Variants in AGBL4 observed in about 807,000 individuals in gnomAD.
AGBL4 encodes the protein AGBL carboxypeptidase 4.
Under a neutral mutation model 66.4 loss-of-function variants are expected in AGBL4, and 58 were observed. The ratio of observed to expected loss-of-function variants is 0.87; its 90% CI spans 0.71 to 1.09. The LOEUF is 1.09. AGBL4 is among the 50% of genes least tolerant of loss of function. AGBL4 has a pLI of 0.00. For missense variants in AGBL4, 579 were observed against 631.0 expected (o/e 0.92, Z 0.88); for synonymous variants, 234 against 222.9 (o/e 1.05, Z -0.44).
intron 1 of AGBL4, among the ~76,000 whole-genome samples, chr1:49,964,454 G>A (rs1048885083): frequency 1.3e-5 from 2 of 152,078 alleles, no homozygotes; most frequent in African/African-American, 4.8e-5. Context: ...AAGAGTACTA[G>A]AAGTAGCAAT....
Position 49,052,490 on chromosome 1 carries a change from G to A in AGBL4, c.378-6690C>T, listed in dbSNP as rs1340615869. On this transcript the variant is annotated intron_variant, in intron 4 of 13. Coordinates refer to ENST00000371839, the MANE Select transcript of AGBL4 (RefSeq NM_032785.4). ...CTGTATAAAATGTGGTTACTAAAAAGCATCCTGTATCCTTCTTAGGGTTGT... is the reference window on the plus strand; with the variant it reads ...CTGTATAAAATGTGGTTACTAAAAAACATCCTGTATCCTTCTTAGGGTTGT... Among the ~76,000 whole-genome samples, 3 of 152,140 alleles carry A rather than the reference G, an allele frequency of 2.0e-5. No homozygotes were observed. In the East Asian group the frequency reaches 5.8e-4, roughly 29 times the overall value.
intron 4 of AGBL4, among the ~76,000 whole-genome samples, chr1:49,222,550 T>C (rs959778306): frequency 3.9e-5 from 6 of 152,178 alleles, no homozygotes; most frequent in African/African-American, 1.4e-4. Context: ...ATAGATGCCA[T>C]GGCCAGTGAT....
chr1:48,960,238 G>A (rs1046972505), intron 5 of AGBL4, among the ~76,000 whole-genome samples: 13 of 152,134 alleles, frequency 8.5e-5, no homozygotes, highest in Non-Finnish European at 1.5e-4. Flanking sequence ...GGAAAAGAGA[G>A]AGAGGAATAA....
intron 4 of AGBL4, among the ~76,000 whole-genome samples, chr1:49,181,991 G>A (rs1158668119): frequency 6.6e-6 from 1 of 152,220 alleles, no homozygotes; most frequent in African/African-American, 2.4e-5. Context: ...GCAGGACGTA[G>A]GCAGTGGTAT....
chr1:49,048,118 T>C (rs879379271), intron 4 of AGBL4, among the ~76,000 whole-genome samples: 9 of 152,140 alleles, frequency 5.9e-5, no homozygotes, highest in African/African-American at 1.9e-4. Context: ...TGATAGTCAC[T>C]TCAGGCTCTG....
At chr1:49,062,243 T>G (rs963396185) in intron 4 of AGBL4, among the ~76,000 whole-genome samples, 1 of 152,194 alleles carries the variant, frequency 6.6e-6, no homozygotes, top group African/African-American at 2.4e-5. Flanking sequence ...CTCTAGAGAT[T>G]CTTCGTAGGT....
At chr1:48,545,560 G>A (rs56292042) in intron 11 of AGBL4, among the ~76,000 whole-genome samples, 17,138 of 152,166 alleles carry the variant, frequency 0.11, 1,079 homozygotes, top group Middle Eastern at 0.19. Flanking sequence ...TAAAAAATTG[G>A]GGGTGAAAAC....
chr1:49,033,478 CAGA>C (rs1338995017), intron 5 of AGBL4, among the ~76,000 whole-genome samples: 1 of 152,114 alleles, frequency 6.6e-6, no homozygotes, highest in East Asian at 1.9e-4. Context: ...ACAGAAAGAA[CAGA>C]AGGAGACTAG....
intron 1 of AGBL4, among the ~76,000 whole-genome samples, chr1:49,913,452 T>C (rs1651059088): frequency 1.3e-5 from 2 of 152,248 alleles, no homozygotes; most frequent in Non-Finnish European, 2.9e-5. Context: ...GGTGTGGATA[T>C]TGGGCCCCCA....
intron 3 of AGBL4, among the ~76,000 whole-genome samples, chr1:49,539,991 C>G (rs535732996): frequency 6.6e-6 from 1 of 152,116 alleles, no homozygotes; most frequent in Non-Finnish European, 1.5e-5. Context: ...AAATTAAGGG[C>G]AAATTTTGCA....
chr1:49,370,740 G>C (rs1644324453), intron 3 of AGBL4, among the ~76,000 whole-genome samples: 1 of 152,156 alleles, frequency 6.6e-6, no homozygotes, highest in Non-Finnish European at 1.5e-5. Flanking sequence ...ATCATTATGA[G>C]ATAAAATATA....
At chr1:49,351,184 C>T (rs1201188905) in intron 3 of AGBL4, among the ~76,000 whole-genome samples, 1 of 152,104 alleles carries the variant, frequency 6.6e-6, no homozygotes, top group Non-Finnish European at 1.5e-5. Flanking sequence ...GCCTGCTATC[C>T]ACCATTTTTC....
intron 3 of AGBL4, among the ~76,000 whole-genome samples, chr1:49,253,316 T>C (rs1652217436): frequency 6.6e-6 from 1 of 152,136 alleles, no homozygotes; most frequent in African/African-American, 2.4e-5. Flanking sequence ...AGAAGGGCAT[T>C]ACATATGGTA....
chr1:49,254,430 T>C (rs962462200), intron 3 of AGBL4, among the ~76,000 whole-genome samples: 1 of 151,754 alleles, frequency 6.6e-6, no homozygotes, highest in Non-Finnish European at 1.5e-5. Context: ...ACAAAAAGAA[T>C]AAAATACCTA....
At chr1:49,129,375 C>G (rs1467362536) in intron 4 of AGBL4, among the ~76,000 whole-genome samples, 1 of 151,656 alleles carries the variant, frequency 6.6e-6, no homozygotes, top group Non-Finnish European at 1.5e-5. Flanking sequence ...AGGTTAGTTA[C>G]ATATGTATAC....
intron 4 of AGBL4, among the ~76,000 whole-genome samples, chr1:49,207,830 C>T (rs969367451): frequency 6.6e-6 from 1 of 151,842 alleles, no homozygotes; most frequent in African/African-American, 2.4e-5. Flanking sequence ...TTAAGCGATC[C>T]TCCCACCTCA....
At chr1:50,019,306 T>TCTCTCTCTCTCTCACACACA (rs1167835143) in intron 1 of AGBL4, among the ~76,000 whole-genome samples, 20 of 48,432 alleles carry the variant, frequency 4.1e-4, no homozygotes, top group African/African-American at 5.2e-4. Flanking sequence ...TCTCTCTCTC[T>TCTCTCTCTCTCTCACACACA]CACACACACA....
intron 1 of AGBL4, among the ~76,000 whole-genome samples, chr1:49,883,421 A>G (rs1395548327): frequency 1.3e-5 from 2 of 152,082 alleles, no homozygotes; most frequent in Non-Finnish European, 2.9e-5. Flanking sequence ...CCCACAGAAC[A>G]TTGTTTATAC....
intron 1 of AGBL4, 66 bp from the exon 2 acceptor site, chr1:49,851,584 C>G: frequency 6.7e-7 from 1 of 1,482,650 alleles, no homozygotes; most frequent in Non-Finnish European, 9.1e-7. Context: ...CAGATTTTTA[C>G]TGTTAATTAC....
Sources: gnomAD v4.1 joint callset for allele counts (sites outside exome capture counted in the v4.1 genomes callset) on GRCh38, gnomAD v4.1.1 for gene constraint, MANE v1.5 for transcripts, NCBI Gene and HGNC (gene_info 2026-07-23, HGNC 2026-07-21) for gene names.